Variants in MYO16 observed in about 807,000 individuals in gnomAD.
MYO16 encodes the protein unconventional myosin-XVI.
MYO16 carries 94 observed loss-of-function variants against 205.3 expected under a neutral mutation model. The ratio of observed to expected loss-of-function variants is 0.46; its 90% CI spans 0.39 to 0.54. MYO16 has a LOEUF of 0.54. Ranked by LOEUF, MYO16 falls within the 20% of genes least tolerant of loss-of-function variation. The pLI, the probability that MYO16 is intolerant of heterozygous loss-of-function variation, is 0.00. For missense variants in MYO16, 2,315 were observed against 2,387.5 expected, an observed-to-expected ratio of 0.97 and a Z score of 0.63; for synonymous variants, 988 against 954.0, an observed-to-expected ratio of 1.04 and a Z score of -0.66.
At chr13:108,826,160 C>T (rs1306086970) in intron 9 of MYO16, among the ~76,000 whole-genome samples, 1 of 152,052 alleles carries the variant, frequency 6.6e-6, no homozygotes, top group Non-Finnish European at 1.5e-5. Flanking sequence ...ACTCACACAA[C>T]CCTATTTCAA....
intron 14 of MYO16, 62 bp downstream of exon 14, chr13:108,888,539 C>A: frequency 1.7e-6 from 2 of 1,192,608 alleles, no homozygotes; most frequent in Admixed American, 4.2e-5. Context: ...TTGTCATTTA[C>A]AAATAGGGGA....
chr13:108,686,980 C>T (rs73606721), intron 2 of MYO16, among the ~76,000 whole-genome samples: 1,647 of 152,278 alleles, frequency 0.011, 26 homozygotes, highest in African/African-American at 0.033. Context: ...CCCCATCAGT[C>T]CCCTACGATT....
intron 4 of MYO16, among the ~76,000 whole-genome samples, chr13:108,770,481 C>T (rs1181744893): frequency 6.6e-6 from 1 of 152,072 alleles, no homozygotes; most frequent in East Asian, 1.9e-4. Flanking sequence ...AATTATGAGG[C>T]ATTCGTGCCT....
chr13:109,002,900 T>A (rs1017140492), intron 21 of MYO16, among the ~76,000 whole-genome samples: 5 of 152,214 alleles, frequency 3.3e-5, no homozygotes, highest in African/African-American at 1.2e-4. Flanking sequence ...GGGGTACATT[T>A]TTTTAAAGTT....
chr13:108,771,254 G>C (rs1272728921), intron 4 of MYO16, among the ~76,000 whole-genome samples: 1 of 152,094 alleles, frequency 6.6e-6, no homozygotes, highest in Non-Finnish European at 1.5e-5. Flanking sequence ...ATTTGCTACG[G>C]AGAGAGAAAA....
chr13:108,742,137 C>T (rs1475464253), intron 4 of MYO16, among the ~76,000 whole-genome samples: 5 of 151,968 alleles, frequency 3.3e-5, no homozygotes, highest in South Asian at 2.1e-4. Context: ...AGACTACAGG[C>T]GCATGTCACC....
At chr13:109,165,623 C>A (rs1031860580) in intron 33 of MYO16, among the ~76,000 whole-genome samples, 1 of 152,148 alleles carries the variant, frequency 6.6e-6, no homozygotes, top group African/African-American at 2.4e-5. Flanking sequence ...CTGGGAAAAG[C>A]ATGTTTGTTT....
At chr13:108,520,393 A>G in the MYO16 span, among the ~76,000 whole-genome samples, 1 of 152,162 alleles carries the variant, frequency 6.6e-6, no homozygotes, top group Non-Finnish European at 1.5e-5. Context: ...AAAAAATCCA[A>G]TTTATGTGTG....
In MYO16 at chr13:109,113,689, G is replaced by T. The variant is rs937567175; in HGVS notation, c.3439-6681G>T. ...TACTTAGGTGATGCTTGGGGTTCTG[G>T]CTTGGGTGATGAGGTGATGACGACT... On this transcript the variant is annotated intron_variant, in intron 28 of 34. Coordinates refer to ENST00000457511, the MANE Select transcript of MYO16 (RefSeq NM_001198950.3). Among the ~76,000 whole-genome samples, 23 of 152,128 alleles carry T rather than the reference G, an allele frequency of 1.5e-4. No individual in the cohort carries two copies. The East Asian group carries it at 2.3e-3, about 15-fold the overall frequency.
intron 2 of MYO16, among the ~76,000 whole-genome samples, chr13:108,677,313 A>ATG (rs769838012): frequency 0.028 from 3,965 of 140,452 alleles, 139 homozygotes; most frequent in East Asian, 0.12. Flanking sequence ...GTGCACATGC[A>ATG]TGTGTGTGTG....
At chr13:108,924,378 A>G (rs895566918) in intron 16 of MYO16, among the ~76,000 whole-genome samples, 1 of 152,160 alleles carries the variant, frequency 6.6e-6, no homozygotes, top group African/African-American at 2.4e-5. Context: ...CCCACCTTCC[A>G]ACTCTACAGA....
At chr13:108,963,280 G>A (rs899024630) in intron 19 of MYO16, among the ~76,000 whole-genome samples, 1 of 152,158 alleles carries the variant, frequency 6.6e-6, no homozygotes, top group Non-Finnish European at 1.5e-5. Flanking sequence ...CTATGTGCAT[G>A]TATTTAGGTA....
chr13:109,111,515 T>A (rs1457232917), intron 28 of MYO16, among the ~76,000 whole-genome samples: 1 of 152,196 alleles, frequency 6.6e-6, no homozygotes, highest in Non-Finnish European at 1.5e-5. Flanking sequence ...TTGAAAAAGC[T>A]GGAAGTATTT....
intron 3 of MYO16, among the ~76,000 whole-genome samples, chr13:108,717,412 C>T (rs1445546580): frequency 1.3e-5 from 2 of 151,854 alleles, no homozygotes; most frequent in East Asian, 1.9e-4. Context: ...CGGGCAGACA[C>T]GAGGTCAGGA....
chr13:109,141,078 C>T lies in MYO16; in HGVS notation c.4866C>T (p.Ala1622=). The part of the protein sequence containing the change: ...CAHLAFPPEP[A]PVNAGKAGPS... Reference sequence around the variant, plus strand: ...ACTTGGCCTTCCCGCCGGAGCCCGCCCCGGTGAACGCGGGGAAAGCGGGGC... The same window carrying T: ...ACTTGGCCTTCCCGCCGGAGCCCGCTCCGGTGAACGCGGGGAAAGCGGGGC... Residue 1622 remains alanine, a synonymous_variant, in exon 32 of 35, where the codon GCC becomes GCT. Transcript: ENST00000457511. The surrounding 1 kb of genome is among the most constrained non-coding windows in gnomAD (Gnocchi z 4.1). The T allele has an allele frequency of 4.8e-6, 7 of 1,461,576 alleles. No homozygotes were observed. Among genetic ancestry groups the T allele is most frequent in the Non-Finnish European group, 6.3e-6 (7 of 1,108,604 alleles). 90.5% of individuals were successfully genotyped at this position (1,461,576 alleles called of 1,614,324 possible).
intron 10 of MYO16, among the ~76,000 whole-genome samples, chr13:108,851,439 A>G (rs565336818): frequency 1.3e-5 from 2 of 152,196 alleles, no homozygotes; most frequent in Non-Finnish European, 2.9e-5. Context: ...GTCTCTCTAC[A>G]TAATGACTTT....
chr13:108,903,153 G>A (rs1216115944), intron 15 of MYO16, among the ~76,000 whole-genome samples: 8 of 152,112 alleles, frequency 5.3e-5, no homozygotes, highest in Admixed American at 2.6e-4. Flanking sequence ...AAAGGTGAAA[G>A]TTCTCAACTT....
chr13:108,641,193 G>A (rs1047462277), intron 1 of MYO16, among the ~76,000 whole-genome samples: 1 of 152,178 alleles, frequency 6.6e-6, no homozygotes, highest in Non-Finnish European at 1.5e-5. Context: ...GGAAATTTGA[G>A]ACAACCTTGT....
At chr13:108,869,782 T>C (rs1478679272) in intron 12 of MYO16, among the ~76,000 whole-genome samples, 2 of 139,826 alleles carry the variant, frequency 1.4e-5, no homozygotes, top group African/African-American at 5.3e-5. Flanking sequence ...TAAAAAATCT[T>C]ACCTTAAACT....
Sources: allele counts gnomAD v4.1 joint callset (sites outside exome capture counted in the v4.1 genomes callset), GRCh38; gene constraint gnomAD v4.1.1; non-coding constraint Gnocchi (gnomAD v3.1); transcripts MANE v1.5; gene names NCBI Gene and HGNC (gene_info 2026-07-23, HGNC 2026-07-21).